Variants in LRRC56 observed in about 807,000 individuals in gnomAD.
LRRC56 encodes leucine-rich repeat-containing protein 56.
Under a neutral mutation model 47.8 loss-of-function variants are expected in LRRC56, and 41 were observed. The observed-to-expected ratio is 0.86, with a 90% CI of 0.67 to 1.11. The LOEUF is 1.11. LRRC56 is among the 50% of genes most tolerant of loss of function. The pLI is 0.00. For synonymous variants in LRRC56, 387 were observed against 311.2 expected, an observed-to-expected ratio of 1.24 and a Z score of -2.56; for missense variants, 759 against 704.2, an observed-to-expected ratio of 1.08 and a Z score of -0.88.
rs547273354 is a variant in LRRC56, at chr11:545,317, A to G, written c.326+537A>G. Among the ~76,000 whole-genome samples the G allele has an allele frequency of 2.6e-5, 4 of 152,310 alleles. No homozygotes were observed. The South Asian group carries it at 8.3e-4, about 32-fold the overall frequency. ...GTCCCTGGTGAACACCCCAAAGCCA[A>G]CCAAGGACTGGGGGCCTTCTGGCCC... On this transcript the variant is annotated intron_variant, in intron 6 of 13. Coordinates refer to ENST00000270115, the MANE Select transcript of LRRC56 (RefSeq NM_198075.4).
At chr11:530,365 G>A in the LRRC56 span, among the ~76,000 whole-genome samples, 19 of 152,228 alleles carry the variant, frequency 1.2e-4, no homozygotes, top group African/African-American at 4.3e-4. Context: ...TCCTGGCCTC[G>A]GGAAGTCTAT....
At chr11:521,755 A>G in the LRRC56 span, among the ~76,000 whole-genome samples, 1 of 152,160 alleles carries the variant, frequency 6.6e-6, no homozygotes, top group African/African-American at 2.4e-5. Context: ...TCTACTAAAA[A>G]ATACAAAAAA....
rs201758585 is a variant in LRRC56 at position 550,050 on chromosome 11, C to T, written c.424-22C>T. On this transcript the variant is annotated intron_variant, in intron 7 of 13. Transcript: ENST00000270115. ...AGGCCTGGGCTGGGCCGGGCCCTGG[C>T]TCAGAGCCCCGCGCTGCCCAGGAAC... 3.7e-6 allele frequency: 6 copies of T among 1,611,204 alleles called. No individual in the cohort carries two copies. In the East Asian group the frequency reaches 1.1e-4, roughly 30 times the overall value.
intron 5 of LRRC56, among the ~76,000 whole-genome samples, chr11:543,823 ACTGCAAGCT>A (rs1165082775): frequency 2.6e-5 from 4 of 151,772 alleles, no homozygotes; most frequent in African/African-American, 9.7e-5. Flanking sequence ...ATCTCGGCTC[ACTGCAAGCT>A]CCACCTCCCG....
intron 9 of LRRC56, 121 bp from the exon 10 acceptor site, chr11:551,530 A>T: frequency 9.3e-7 from 1 of 1,079,814 alleles, no homozygotes; most frequent in Non-Finnish European, 1.3e-6. Flanking sequence ...AGAAGGCTGC[A>T]GCGTGAGAGG....
chr11:535,875 C>T (rs1851468192), upstream of LRRC56, among the ~76,000 whole-genome samples: 1 of 152,094 alleles, frequency 6.6e-6, no homozygotes, highest in South Asian at 2.1e-4. Context: ...GGGAACAGGC[C>T]GGCGAGAGAA....
chr11:549,693 T>C lies in LRRC56; in HGVS notation c.327-209T>C, dbSNP rs1272271037. On this transcript the variant is annotated intron_variant, in intron 6 of 13. Transcript: ENST00000270115. ...CTGAGCCACCGGTCACGAGGGCAGC[T>C]CCCCAAGCCAGGCCCTCCAGGGCTT... is the stretch of plus-strand genomic sequence containing the variant. Among the ~76,000 whole-genome samples the C allele has an allele frequency of 1.3e-4, 20 of 152,072 alleles. 1 individual carries two copies. The highest frequency in any genetic ancestry group is 1.3e-3 in the Admixed American group (20 of 15,268).
intron 5 of LRRC56, among the ~76,000 whole-genome samples, chr11:542,676 T>G (rs1342088463): frequency 2.1e-5 from 3 of 144,914 alleles, no homozygotes; most frequent in Non-Finnish European, 4.5e-5. Flanking sequence ...CCCTGCTCCC[T>G]CCCGTGCGTG....
chr11:531,331 A>T, the LRRC56 span, among the ~76,000 whole-genome samples: 1 of 152,154 alleles, frequency 6.6e-6, no homozygotes, highest in Non-Finnish European at 1.5e-5. Flanking sequence ...CCCGTCCCAG[A>T]GGGGCCTGGC....
In LRRC56 at chr11:539,586, CAG is replaced by C. The variant is rs1851695430; in HGVS notation, c.-151_-150del. ...TTTTTTTTTGTATTTTTAGTAGAGA[CAG>C]GGTTTCACCGTGTTAGCCAGGATGG... On this transcript the variant is annotated 5_prime_UTR_variant, in exon 3 of 14. It introduces an in-frame stop codon into an upstream open reading frame of the 5' UTR. Coordinates refer to ENST00000270115, the MANE Select transcript of LRRC56 (RefSeq NM_198075.4). 1 of 127,052 alleles carries C rather than the reference CAG, an allele frequency of 7.9e-6. No homozygotes were observed. Among genetic ancestry groups the C allele is most frequent in the Non-Finnish European group, 1.7e-5 (1 of 60,366 alleles). 7.9% of individuals were successfully genotyped at this position (127,052 alleles called of 1,614,324 possible).
chr11:520,340 A>G, the LRRC56 span, among the ~76,000 whole-genome samples: 11 of 150,482 alleles, frequency 7.3e-5, no homozygotes, highest in Non-Finnish European at 3.0e-5. Flanking sequence ...TTTTTTTTTT[A>G]TGGGGAATCT....
the LRRC56 span, among the ~76,000 whole-genome samples, chr11:531,609 G>A: frequency 2.0e-5 from 3 of 152,190 alleles, no homozygotes; most frequent in African/African-American, 4.8e-5. Flanking sequence ...GGGCAGGGGC[G>A]GGGGAGAGTG....
At chr11:509,461 G>A in the LRRC56 span, among the ~76,000 whole-genome samples, 1 of 152,204 alleles carries the variant, frequency 6.6e-6, no homozygotes, top group Non-Finnish European at 1.5e-5. Context: ...GGTATGTATA[G>A]GTGCTGAGCG....
chr11:513,472 G>A, the LRRC56 span, among the ~76,000 whole-genome samples: 86 of 152,248 alleles, frequency 5.6e-4, no homozygotes, highest in African/African-American at 1.8e-3. Flanking sequence ...GTGCTTTCTC[G>A]AGATGGAATC....
chr11:526,797 C>T, the LRRC56 span, among the ~76,000 whole-genome samples: 1 of 151,892 alleles, frequency 6.6e-6, no homozygotes, highest in Non-Finnish European at 1.5e-5. Flanking sequence ...ATTAGCCAGG[C>T]ATGGTGGTGG....
chr11:533,739 C>T (rs992164926), upstream of LRRC56: 4 of 1,612,834 alleles, frequency 2.5e-6, no homozygotes, highest in Middle Eastern at 3.3e-4. Context: ...GCGGCGTGGG[C>T]TCCCGGGCCA....
the LRRC56 span, among the ~76,000 whole-genome samples, chr11:522,335 A>G: frequency 4.5e-4 from 68 of 151,744 alleles, no homozygotes; most frequent in African/African-American, 1.4e-3. Context: ...GCGCGATCTC[A>G]GCTCACTGCA....
chr11:552,930 G>A (rs1472171661), intron 13 of LRRC56, among the ~76,000 whole-genome samples: 1 of 152,212 alleles, frequency 6.6e-6, no homozygotes, highest in African/African-American at 2.4e-5. Flanking sequence ...CTGTGACCTT[G>A]TGTGCCACCC....
upstream of LRRC56, chr11:536,919 C>G (rs1161239397): frequency 1.3e-5 from 2 of 152,260 alleles, no homozygotes; most frequent in Admixed American, 1.3e-4. Context: ...CGGTCGCAGT[C>G]AGAGCTCGGC....
Sources: gnomAD v4.1 joint callset for allele counts (sites outside exome capture counted in the v4.1 genomes callset) on GRCh38, gnomAD v4.1.1 for gene constraint, MANE v1.5 for transcripts, NCBI Gene and HGNC (gene_info 2026-07-23, HGNC 2026-07-21) for gene names.